SNUPN: variants seen among roughly 807,000 people sequenced by gnomAD.
The protein encoded by SNUPN is snurportin 1.
In SNUPN, 31 loss-of-function variants were observed where a neutral mutation model predicts 39.2. The observed-to-expected ratio is 0.79, with a 90% CI of 0.59 to 1.07. SNUPN has a LOEUF of 1.07. SNUPN is among the 50% of genes least tolerant of loss of function. The probability of loss-of-function intolerance (pLI) is 0.00; values close to 1 mark genes in which losing one functional copy is unlikely to be tolerated. For synonymous variants in SNUPN, 132 were observed against 159.0 expected (o/e 0.83, Z 1.28); for missense variants, 382 against 434.2 (o/e 0.88, Z 1.07).
intron 7 of SNUPN, among the ~76,000 whole-genome samples, chr15:75,601,880 T>TC (rs138734399): frequency 0.063 from 9,165 of 145,840 alleles, 372 homozygotes; most frequent in East Asian, 0.14. Context: ...CAATCTTTCC[T>TC]CCCCCTTTTT....
intron 7 of SNUPN, among the ~76,000 whole-genome samples, chr15:75,602,021 G>A (rs1166902893): frequency 6.6e-6 from 1 of 152,008 alleles, no homozygotes; most frequent in African/African-American, 2.4e-5. Context: ...GGGATTATAG[G>A]CATGAGCCAC....
At chr15:75,614,967 G>C (rs768177903) in intron 3 of SNUPN, among the ~76,000 whole-genome samples, 1 of 152,142 alleles carries the variant, frequency 6.6e-6, no homozygotes, top group Non-Finnish European at 1.5e-5. Context: ...CCTTGCTTAA[G>C]GTCAACACAG....
intron 3 of SNUPN, 81 bp from the exon 4 acceptor site, chr15:75,610,075 G>A (rs1481648756): frequency 1.9e-6 from 2 of 1,050,870 alleles, no homozygotes. Context: ...TTAATATCCT[G>A]TGTGTATATT....
chr15:75,598,816 T>A, intron 8 of SNUPN, 135 bp from the exon 9 acceptor site: 1 of 599,370 alleles, frequency 1.7e-6, no homozygotes, highest in Non-Finnish European at 2.8e-6. Context: ...GAGTCCCAGC[T>A]TCTCACACAT....
At chr15:75,621,205 G>T in intron 1 of SNUPN, 149 bp from the exon 2 acceptor site, 2 of 649,752 alleles carry the variant, frequency 3.1e-6, no homozygotes, top group Admixed American at 3.2e-5. Flanking sequence ...ACAAAAGGAA[G>T]TTAAAGGGTA....
intron 6 of SNUPN, 77 bp from the exon 7 acceptor site, chr15:75,605,304 T>G: frequency 1.3e-6 from 1 of 766,992 alleles, no homozygotes; most frequent in Non-Finnish European, 2.1e-6. Flanking sequence ...CACCCCATGC[T>G]ATTTTTTTTT....
intron 3 of SNUPN, among the ~76,000 whole-genome samples, chr15:75,614,394 A>G (rs1279138931): frequency 6.6e-6 from 1 of 152,208 alleles, no homozygotes; most frequent in African/African-American, 2.4e-5. Flanking sequence ...ACTGAAGAAT[A>G]AATAAACAAA....
chr15:75,615,713 T>C (rs1371044132), intron 3 of SNUPN, among the ~76,000 whole-genome samples: 2 of 146,600 alleles, frequency 1.4e-5, no homozygotes, highest in Non-Finnish European at 3.0e-5. Context: ...ACCATTCTCC[T>C]GCCTCAGCCT....
intron 3 of SNUPN, among the ~76,000 whole-genome samples, chr15:75,615,829 C>T (rs543727912): frequency 1.2e-3 from 186 of 151,424 alleles, no homozygotes; most frequent in Non-Finnish European, 2.5e-3. Flanking sequence ...AGGATGGTCT[C>T]GATCTCCTGA....
At chr15:75,624,051 C>T (rs900368717) in intron 1 of SNUPN, among the ~76,000 whole-genome samples, 6 of 148,518 alleles carry the variant, frequency 4.0e-5, no homozygotes, top group Non-Finnish European at 7.5e-5. Context: ...CCTCAGCCTC[C>T]CAAGTAGCTG....
chr15:75,604,413 C>T (rs1482809682), intron 7 of SNUPN, among the ~76,000 whole-genome samples: 3 of 152,222 alleles, frequency 2.0e-5, no homozygotes, highest in South Asian at 2.1e-4. Flanking sequence ...CCACCTGCCT[C>T]GGCCTCCCAA....
At chr15:75,612,700 G>C (rs1022490169) in intron 3 of SNUPN, among the ~76,000 whole-genome samples, 5 of 151,984 alleles carry the variant, frequency 3.3e-5, no homozygotes, top group African/African-American at 7.3e-5. Context: ...AGTATATCCA[G>C]AGTGGAATTA....
chr15:75,602,813 C>T (rs2075299649), intron 7 of SNUPN, among the ~76,000 whole-genome samples: 1 of 152,002 alleles, frequency 6.6e-6, no homozygotes, highest in South Asian at 2.1e-4. Flanking sequence ...TGCTGTGTTG[C>T]CCAGGCTGGT....
intron 3 of SNUPN, among the ~76,000 whole-genome samples, chr15:75,611,968 T>A (rs1463981803): frequency 6.6e-6 from 1 of 152,072 alleles, no homozygotes; most frequent in Non-Finnish European, 1.5e-5. Context: ...ACAGCCACAG[T>A]CCAGATTTCC....
chr15:75,601,437 T>C (rs372688586), intron 7 of SNUPN, among the ~76,000 whole-genome samples: 2 of 152,068 alleles, frequency 1.3e-5, no homozygotes, highest in Non-Finnish European at 2.9e-5. Context: ...TAGCCAGGCA[T>C]AGTGGCATGT....
chr15:75,610,381 C>T (rs1270302144), intron 3 of SNUPN, among the ~76,000 whole-genome samples: 4 of 138,730 alleles, frequency 2.9e-5, no homozygotes, highest in Non-Finnish European at 4.6e-5. Flanking sequence ...GCCTGGGCAC[C>T]AAGAGCGAAA....
intron 7 of SNUPN, among the ~76,000 whole-genome samples, chr15:75,603,432 C>T (rs1346656238): frequency 1.3e-5 from 2 of 149,690 alleles, no homozygotes; most frequent in Admixed American, 1.3e-4. Context: ...GAGGCTGAGG[C>T]AGGCAGATCA....
At chr15:75,620,803 G>A in intron 2 of SNUPN, 91 bp downstream of exon 2, 1 of 1,135,344 alleles carries the variant, frequency 8.8e-7, no homozygotes, top group Non-Finnish European at 1.3e-6. Flanking sequence ...CTACTTTGAA[G>A]GGAGAGTCTG....
chr15:75,620,299 C>T (rs1376624871), intron 2 of SNUPN, among the ~76,000 whole-genome samples: 1 of 152,172 alleles, frequency 6.6e-6, no homozygotes, highest in African/African-American at 2.4e-5. Context: ...AGAAGAGGCC[C>T]ATGCTGCATT....
Sources: gnomAD v4.1 joint callset for allele counts (sites outside exome capture counted in the v4.1 genomes callset) on GRCh38, gnomAD v4.1.1 for gene constraint, MANE v1.5 for transcripts, NCBI Gene and HGNC (gene_info 2026-07-23, HGNC 2026-07-21) for gene names.